DLGAP1: variants seen among roughly 807,000 people sequenced by gnomAD.
DLGAP1 encodes the protein disks large-associated protein 1.
Under a neutral mutation model 90.8 loss-of-function variants are expected in DLGAP1, and 11 were observed. That is an observed-to-expected ratio of 0.12 (90% CI 0.08 to 0.20). DLGAP1 has a LOEUF of 0.20. Ranked by LOEUF, DLGAP1 falls within the 10% of genes least tolerant of loss-of-function variation. The pLI, the probability that DLGAP1 is intolerant of heterozygous loss-of-function variation, is 1.00. For missense variants in DLGAP1, 1,050 were observed against 1,333.8 expected (o/e 0.79, Z 3.31); for synonymous variants, 558 against 540.7 (o/e 1.03, Z -0.44).
At chr18:3,530,062 AG>A (rs949146360) in intron 10 of DLGAP1, among the ~76,000 whole-genome samples, 29 of 152,318 alleles carry the variant, frequency 1.9e-4, no homozygotes, top group African/African-American at 6.3e-4. Flanking sequence ...TCAGACTGAA[AG>A]GCCCATTAAA....
chr18:4,389,685 C>T (rs723075), intron 1 of DLGAP1, among the ~76,000 whole-genome samples: 36,925 of 151,950 alleles, frequency 0.24, 4,787 homozygotes, highest in South Asian at 0.35. Flanking sequence ...CTTTTATAGT[C>T]AAAATAGAAG....
intron 2 of DLGAP1, among the ~76,000 whole-genome samples, chr18:4,133,414 C>G (rs1211837496): frequency 6.6e-6 from 1 of 152,146 alleles, no homozygotes; most frequent in Non-Finnish European, 1.5e-5. Context: ...TTTCTCCAGT[C>G]CCTGCTTAAA....
chr18:3,692,519 G>A (rs2060932943), intron 7 of DLGAP1, among the ~76,000 whole-genome samples: 1 of 152,180 alleles, frequency 6.6e-6, no homozygotes, highest in South Asian at 2.1e-4. Context: ...GGAGGCATAA[G>A]CTCTTCAAGG....
At chr18:4,130,228 T>C (rs1392045594) in intron 2 of DLGAP1, among the ~76,000 whole-genome samples, 1 of 152,196 alleles carries the variant, frequency 6.6e-6, no homozygotes, top group Non-Finnish European at 1.5e-5. Flanking sequence ...TACAGACAGG[T>C]AACTATCTCC....
chr18:4,346,032 A>C (rs549639756), intron 1 of DLGAP1, among the ~76,000 whole-genome samples: 9 of 152,334 alleles, frequency 5.9e-5, no homozygotes, highest in African/African-American at 2.2e-4. Context: ...GAAGGGACTC[A>C]AGAGCACCAC....
chr18:3,649,325 C>A (rs926700208), intron 7 of DLGAP1, among the ~76,000 whole-genome samples: 7 of 152,188 alleles, frequency 4.6e-5, no homozygotes, highest in Non-Finnish European at 7.3e-5. Flanking sequence ...CTGGCAGATG[C>A]CACAGGTCCC....
chr18:3,545,829 G>C (rs960248717), intron 9 of DLGAP1, among the ~76,000 whole-genome samples: 13 of 152,172 alleles, frequency 8.5e-5, no homozygotes, highest in African/African-American at 3.1e-4. Context: ...TATCAGACTA[G>C]GTAGGTTTGA....
At position 4,047,051 on chromosome 18, in the gene DLGAP1, C is replaced by T. The variant is rs545853780; in HGVS notation, c.-158-41850G>A. ...ATAGGAAAGTATATTTTCCAGCCTA[C>T]TCAAATAACTTACTTCAATGTTGAA... On this transcript the variant is annotated intron_variant, in intron 2 of 12. Transcript: ENST00000315677. Among the ~76,000 whole-genome samples the T allele has an allele frequency of 1.4e-4, 21 of 152,320 alleles. No individual in the cohort carries two copies. The South Asian group carries it at 4.1e-3, about 30-fold the overall frequency.
At chr18:4,418,303 T>A (rs1030863058) in intron 1 of DLGAP1, among the ~76,000 whole-genome samples, 2 of 152,114 alleles carry the variant, frequency 1.3e-5, no homozygotes, top group South Asian at 2.1e-4. Context: ...ACATAAAGTA[T>A]ATAGAAAGGC....
At chr18:4,234,999 G>C (rs2078377677) in intron 1 of DLGAP1, among the ~76,000 whole-genome samples, 1 of 152,094 alleles carries the variant, frequency 6.6e-6, no homozygotes, top group Non-Finnish European at 1.5e-5. Context: ...GGAAGAAAAA[G>C]AAAATTTCAG....
intron 1 of DLGAP1, among the ~76,000 whole-genome samples, chr18:4,348,651 C>T (rs1269720032): frequency 3.3e-5 from 5 of 151,846 alleles, no homozygotes; most frequent in Non-Finnish European, 7.4e-5. Flanking sequence ...TAGATATTAG[C>T]GGGATGAAGA....
Position 3,727,377 on chromosome 18 carries a change from C to T in DLGAP1, c.1591+1758G>A, listed in dbSNP as rs372143925. On this transcript the variant is annotated intron_variant, in intron 7 of 12. Coordinates refer to ENST00000315677, the MANE Select transcript of DLGAP1 (RefSeq NM_004746.4). This position sits in a 1 kb window ranked among gnomAD's most constrained non-coding sequence, Gnocchi z 4.7. ...ACAGGTGAGAAGAGAAAAACCATTC[C>T]AAGTCTCTTGCTACTTTATCTGCAA... is the stretch of plus-strand genomic sequence containing the variant. Among the ~76,000 whole-genome samples the T allele has an allele frequency of 6.6e-6, 1 of 152,088 alleles. No homozygotes were observed. Among genetic ancestry groups the T allele is most frequent in the African/African-American group, 2.4e-5 (1 of 41,412 alleles).
chr18:4,247,754 G>C lies in DLGAP1; in HGVS notation c.-266-96467C>G, dbSNP rs564159314. On this transcript the variant is annotated intron_variant, in intron 1 of 12. Transcript: ENST00000315677. ...ATCGCACCACTGCACTCCAGCCCGG[G>C]TGACAGAGCAAGACTCCATCTTAAA... Among the ~76,000 whole-genome samples the C allele has an allele frequency of 6.6e-5, 10 of 152,212 alleles. 1 individual carries two copies. In the South Asian group the frequency reaches 2.1e-3, roughly 32 times the overall value.
intron 2 of DLGAP1, among the ~76,000 whole-genome samples, chr18:4,117,488 CCA>C (rs2076081656): frequency 1.3e-5 from 2 of 152,124 alleles, no homozygotes; most frequent in Admixed American, 1.3e-4. Context: ...ACTCTATTTC[CCA>C]CACAGTGTGC....
chr18:4,290,177 A>G (rs2145500282), intron 1 of DLGAP1, among the ~76,000 whole-genome samples: 1 of 152,338 alleles, frequency 6.6e-6, no homozygotes, highest in African/African-American at 2.4e-5. Flanking sequence ...GAATGTGACC[A>G]TTTCACATCT....
At chr18:3,904,360 C>A (rs1226655049) in intron 3 of DLGAP1, among the ~76,000 whole-genome samples, 1 of 152,180 alleles carries the variant, frequency 6.6e-6, no homozygotes, top group African/African-American at 2.4e-5. Flanking sequence ...AGGAAGTCTG[C>A]AAACACTATG....
chr18:4,274,781 T>C (rs2079372182), intron 1 of DLGAP1, among the ~76,000 whole-genome samples: 1 of 152,328 alleles, frequency 6.6e-6, no homozygotes, highest in African/African-American at 2.4e-5. Context: ...AAATGATGTT[T>C]ATTTTGTCAT....
chr18:3,895,319 ACATCAT>A (rs548203011), intron 3 of DLGAP1, among the ~76,000 whole-genome samples: 2 of 148,360 alleles, frequency 1.3e-5, no homozygotes, highest in East Asian at 2.0e-4. Context: ...ACACACACAC[ACATCAT>A]CATCATCATC....
intron 7 of DLGAP1, among the ~76,000 whole-genome samples, chr18:3,714,354 C>T (rs1358202337): frequency 6.6e-6 from 1 of 152,144 alleles, no homozygotes; most frequent in Non-Finnish European, 1.5e-5. Flanking sequence ...TCAAACACAG[C>T]CATAGGTTGT....
Sources: gnomAD v4.1 joint callset for allele counts (sites outside exome capture counted in the v4.1 genomes callset) on GRCh38, gnomAD v4.1.1 for gene constraint, Gnocchi (gnomAD v3.1) non-coding constraint, MANE v1.5 for transcripts, NCBI Gene and HGNC (gene_info 2026-07-23, HGNC 2026-07-21) for gene names.